CAMTA1: variants seen among roughly 807,000 people sequenced by gnomAD.
The protein encoded by CAMTA1 is calmodulin-binding transcription activator 1.
A neutral mutation model predicts 170.9 loss-of-function variants in CAMTA1; 27 were observed. The observed-to-expected ratio is 0.16, with a 90% CI of 0.12 to 0.22. CAMTA1 has a LOEUF of 0.22. CAMTA1 is among the 10% of genes least tolerant of loss of function. The probability of loss-of-function intolerance (pLI) is 1.00; values close to 1 mark genes in which losing one functional copy is unlikely to be tolerated. For missense variants in CAMTA1, 1,619 were observed against 2,217.2 expected, an observed-to-expected ratio of 0.73 and a Z score of 5.42; for synonymous variants, 833 against 891.5, an observed-to-expected ratio of 0.93 and a Z score of 1.17.
intron 3 of CAMTA1, among the ~76,000 whole-genome samples, chr1:7,052,192 T>C (rs942239672): frequency 1.3e-5 from 2 of 152,196 alleles, no homozygotes; most frequent in Non-Finnish European, 2.9e-5. Flanking sequence ...GGGGCCACCC[T>C]TGGGCCCTGG....
chr1:7,510,417 G>T (rs1337016193), intron 6 of CAMTA1, among the ~76,000 whole-genome samples: 1 of 145,530 alleles, frequency 6.9e-6, no homozygotes, highest in African/African-American at 2.5e-5. Context: ...TCGCCCCTGG[G>T]GGCTCACCTG....
chr1:6,804,003 G>A (rs115481100), intron 1 of CAMTA1, among the ~76,000 whole-genome samples: 10,197 of 152,016 alleles, frequency 0.067, 404 homozygotes, highest in Non-Finnish European at 0.089. Flanking sequence ...GCCAACATGG[G>A]TGAAACCCCT....
chr1:7,139,532 G>A (rs970527974), intron 4 of CAMTA1, among the ~76,000 whole-genome samples: 8 of 151,790 alleles, frequency 5.3e-5, no homozygotes, highest in Non-Finnish European at 1.0e-4. Flanking sequence ...CCCCTCCCTG[G>A]AAAGTCTGGA....
At chr1:7,223,820 A>G (rs1204162506) in intron 4 of CAMTA1, among the ~76,000 whole-genome samples, 2 of 152,210 alleles carry the variant, frequency 1.3e-5, no homozygotes, top group Non-Finnish European at 2.9e-5. Flanking sequence ...CACGTGGTTC[A>G]TGAATATGCA....
chr1:6,927,204 C>A (rs891197606), intron 3 of CAMTA1, among the ~76,000 whole-genome samples: 1 of 152,016 alleles, frequency 6.6e-6, no homozygotes, highest in African/African-American at 2.4e-5. Flanking sequence ...TTCATTCATT[C>A]ATTCATTTAT....
intron 3 of CAMTA1, among the ~76,000 whole-genome samples, chr1:6,939,225 T>A (rs1685994292): frequency 6.6e-6 from 1 of 152,232 alleles, no homozygotes; most frequent in Non-Finnish European, 1.5e-5. Context: ...GCAGGGGAAC[T>A]GCGGGCAAAG....
At chr1:6,898,504 G>T (rs1571493989) in intron 3 of CAMTA1, among the ~76,000 whole-genome samples, 2 of 152,232 alleles carry the variant, frequency 1.3e-5, no homozygotes, top group Non-Finnish European at 2.9e-5. Context: ...AGTGAGCTGA[G>T]ATCGCACCAC....
chr1:7,712,935 A>G (rs2096582091), intron 11 of CAMTA1, among the ~76,000 whole-genome samples: 1 of 152,178 alleles, frequency 6.6e-6, no homozygotes, highest in Non-Finnish European at 1.5e-5. Flanking sequence ...CACTATCACG[A>G]GAACAGCAGG....
At chr1:7,082,901 C>A in intron 3 of CAMTA1, among the ~76,000 whole-genome samples, 1 of 152,230 alleles carries the variant, frequency 6.6e-6, no homozygotes, top group East Asian at 1.9e-4. Flanking sequence ...AGCCCTGGAT[C>A]CTGCACCCCA....
At chr1:7,069,106 T>A (rs1309703605) in intron 3 of CAMTA1, among the ~76,000 whole-genome samples, 2 of 152,164 alleles carry the variant, frequency 1.3e-5, no homozygotes, top group East Asian at 3.9e-4. Flanking sequence ...CCTAGGAGTG[T>A]TTTCCCATTT....
intron 3 of CAMTA1, among the ~76,000 whole-genome samples, chr1:7,033,847 G>A (rs1229229290): frequency 6.6e-6 from 1 of 152,008 alleles, no homozygotes; most frequent in African/African-American, 2.4e-5. Context: ...ACCCCCTTTG[G>A]CCTCCCAAAG....
At chr1:7,536,638 C>T (rs2094552325) in intron 6 of CAMTA1, among the ~76,000 whole-genome samples, 1 of 152,154 alleles carries the variant, frequency 6.6e-6, no homozygotes, top group Non-Finnish European at 1.5e-5. Flanking sequence ...GGCTGGGACA[C>T]CGGCCCCTGG....
chr1:7,331,333 A>T (rs1391941944), intron 5 of CAMTA1, among the ~76,000 whole-genome samples: 3 of 152,124 alleles, frequency 2.0e-5, no homozygotes, highest in Non-Finnish European at 4.4e-5. Context: ...TTGGCCAGGT[A>T]CCCCTGAGGG....
In CAMTA1 at chr1:7,570,064, G is replaced by A. The variant is rs2095107165; in HGVS notation, c.511-70336G>A. ...ATCAATTTAAAATGGCTTTTGCTTT[G>A]ATCATTAGGGGTCCTGGGAGGCCTT... On this transcript the variant is annotated intron_variant, in intron 6 of 22. Transcript: ENST00000303635. The surrounding 1 kb of genome is among the most constrained non-coding windows in gnomAD (Gnocchi z 4.3). 6.6e-6 allele frequency among the ~76,000 whole-genome samples: 1 copy of A among 152,156 alleles called. No homozygotes were observed. The highest frequency in any genetic ancestry group is 2.4e-5 in the African/African-American group (1 of 41,416).
intron 19 of CAMTA1, 110 bp downstream of exon 19, chr1:7,747,891 A>T (rs2096867632): frequency 1.7e-6 from 1 of 605,108 alleles, no homozygotes; most frequent in Non-Finnish European, 2.8e-6. Flanking sequence ...CAGAGACTTA[A>T]TTTGTTTTTT....
At chr1:6,947,387 T>TG (rs1245482170) in intron 3 of CAMTA1, among the ~76,000 whole-genome samples, 1 of 152,096 alleles carries the variant, frequency 6.6e-6, no homozygotes, top group Non-Finnish European at 1.5e-5. Context: ...ATTTTTTTTT[T>TG]TTTGTTTGAG....
chr1:7,412,630 A>T (rs1308994787), intron 5 of CAMTA1, among the ~76,000 whole-genome samples: 1 of 151,862 alleles, frequency 6.6e-6, no homozygotes, highest in Non-Finnish European at 1.5e-5. Context: ...AATTTGTTTG[A>T]GTTCATTGTA....
chr1:7,553,235 A>ATAAGTGAG lies in CAMTA1; in HGVS notation c.510+85335_510+85336insAAGTGAGT, dbSNP rs1465645650. Among the ~76,000 whole-genome samples, 3 of 13,064 alleles carry ATAAGTGAG rather than the reference A, an allele frequency of 2.3e-4. No homozygotes were observed. The African/African-American group carries it at 2.5e-3, about 11-fold the overall frequency. The allele number at this position is 13,064 out of a possible 152,430, so 8.6% of individuals were successfully genotyped here. ...AATAAGTGAGTGAATGAATGAGGGA[A>ATAAGTGAG]TGAATGAATGAGGGAATGAATGAAT... On this transcript the variant is annotated intron_variant, in intron 6 of 22. Coordinates refer to ENST00000303635, the MANE Select transcript of CAMTA1 (RefSeq NM_015215.4).
intron 4 of CAMTA1, among the ~76,000 whole-genome samples, chr1:7,236,199 G>A (rs1454817358): frequency 6.6e-6 from 1 of 151,928 alleles, no homozygotes; most frequent in South Asian, 2.1e-4. Flanking sequence ...TGTGAGATTC[G>A]GGCTGTCGCC....
Sources: gnomAD v4.1 joint callset for allele counts (sites outside exome capture counted in the v4.1 genomes callset) on GRCh38, gnomAD v4.1.1 for gene constraint, Gnocchi (gnomAD v3.1) non-coding constraint, MANE v1.5 for transcripts, NCBI Gene and HGNC (gene_info 2026-07-23, HGNC 2026-07-21) for gene names.